The following TEX26 variants were observed in gnomAD, a reference collection of about 807,000 sequenced individuals.
TEX26 encodes testis-expressed protein 26.
Under a neutral mutation model 35.3 loss-of-function variants are expected in TEX26, and 34 were observed. That is an observed-to-expected ratio of 0.96 (90% CI 0.73 to 1.28). TEX26 has a LOEUF of 1.28. Among genes scored for constraint, TEX26 ranks in the 50% most tolerant of loss-of-function variants. The probability of loss-of-function intolerance (pLI) is 0.00; values close to 1 mark genes in which losing one functional copy is unlikely to be tolerated. For synonymous variants in TEX26, 136 were observed against 111.8 expected, an observed-to-expected ratio of 1.22 and a Z score of -1.36; for missense variants, 371 against 330.1, an observed-to-expected ratio of 1.12 and a Z score of -0.96.
At chr13:30,939,043 G>C (rs1953378612) in intron 1 of TEX26, among the ~76,000 whole-genome samples, 1 of 152,198 alleles carries the variant, frequency 6.6e-6, no homozygotes, top group Non-Finnish European at 1.5e-5. Flanking sequence ...ATCACACACT[G>C]TTAGTGACAG....
At chr13:30,972,617 T>G (rs1954751887) in intron 6 of TEX26, among the ~76,000 whole-genome samples, 1 of 151,570 alleles carries the variant, frequency 6.6e-6, no homozygotes, top group Admixed American at 6.6e-5. Flanking sequence ...ACAATCACTT[T>G]GTTGTTGTTT....
chr13:30,966,432 C>CTTTTTTTTT (rs10523710), intron 5 of TEX26, 34 bp downstream of exon 5: 29 of 997,788 alleles, frequency 2.9e-5, no homozygotes, highest in African/African-American at 1.3e-4. Flanking sequence ...TTCTTTTTCT[C>CTTTTTTTTT]TTTTTTTTTT....
At chr13:30,937,128 A>C (rs888350970) in intron 1 of TEX26, among the ~76,000 whole-genome samples, 1 of 152,152 alleles carries the variant, frequency 6.6e-6, no homozygotes, top group Non-Finnish European at 1.5e-5. Flanking sequence ...AAAGGTAACA[A>C]TGGAAGAGGG....
At chr13:30,946,595 TATTTTTTATTTG>T (rs1233326224) in intron 2 of TEX26, among the ~76,000 whole-genome samples, 1 of 152,028 alleles carries the variant, frequency 6.6e-6, no homozygotes, top group Non-Finnish European at 1.5e-5. Context: ...TTCTTGAATT[TATTTTTTATTTG>T]ATTTTTTAAA....
intron 2 of TEX26, among the ~76,000 whole-genome samples, chr13:30,949,646 G>T (rs1953846792): frequency 6.6e-6 from 1 of 151,818 alleles, no homozygotes; most frequent in East Asian, 1.9e-4. Context: ...ACATTTTATT[G>T]CATTATATCC....
Position 30,957,126 on chromosome 13 carries a change from C to T in TEX26, c.469+97C>T. ...GCGTGTGTTCTTCTCCTTCAAGGAACTTGAAGTCTAGGCATGGAGACAGGC... is the reference window on the plus strand; with the variant it reads ...GCGTGTGTTCTTCTCCTTCAAGGAATTTGAAGTCTAGGCATGGAGACAGGC... On this transcript the variant is annotated intron_variant, in intron 4 of 6. Transcript: ENST00000380473. The T allele has an allele frequency of 3.1e-6, 4 of 1,294,758 alleles. No homozygotes were observed. The South Asian group carries it at 4.3e-5, about 14-fold the overall frequency. The allele number at this position is 1,294,758 out of a possible 1,614,324, so 80.2% of individuals were successfully genotyped here.
intron 3 of TEX26, among the ~76,000 whole-genome samples, chr13:30,954,100 G>A (rs1419646855): frequency 3.3e-5 from 5 of 152,228 alleles, no homozygotes; most frequent in African/African-American, 1.2e-4. Flanking sequence ...TTGAAGATGT[G>A]TCCAACAGGC....
intron 1 of TEX26, 81 bp from the exon 2 acceptor site, chr13:30,939,613 A>G (rs1221418557): frequency 2.2e-5 from 29 of 1,326,834 alleles, no homozygotes; most frequent in Non-Finnish European, 2.8e-5. Flanking sequence ...TTCTCTTGCA[A>G]AATTATCTTA....
chr13:30,954,725 T>A (rs1178784770), intron 3 of TEX26, among the ~76,000 whole-genome samples: 1 of 152,226 alleles, frequency 6.6e-6, no homozygotes, highest in Non-Finnish European at 1.5e-5. Flanking sequence ...TCCAAAGCCC[T>A]GGGATTACAG....
intron 2 of TEX26, among the ~76,000 whole-genome samples, chr13:30,940,076 A>T (rs1224931477): frequency 1.3e-5 from 2 of 152,152 alleles, no homozygotes; most frequent in Non-Finnish European, 2.9e-5. Flanking sequence ...TGCTACCTAA[A>T]CATTCACGTG....
chr13:30,969,145 A>T (rs571683652), intron 6 of TEX26, 99 bp downstream of exon 6: 2 of 1,091,036 alleles, frequency 1.8e-6, no homozygotes, highest in African/African-American at 3.2e-5. Context: ...TTGAATGCCC[A>T]CAAAAATGAA....
intron 4 of TEX26, among the ~76,000 whole-genome samples, chr13:30,962,216 A>G (rs184738238): frequency 5.3e-4 from 81 of 152,304 alleles, no homozygotes; most frequent in Non-Finnish European, 1.1e-3. Context: ...ATGTCACTTT[A>G]TGGATTAAAA....
intron 4 of TEX26, among the ~76,000 whole-genome samples, chr13:30,963,156 T>C (rs17075219): frequency 0.031 from 4,649 of 152,250 alleles, 258 homozygotes; most frequent in African/African-American, 0.11. Context: ...TGGTCCTTGC[T>C]GAAGACTTAC....
At chr13:30,932,807 G>T in intron 1 of TEX26, 31 bp downstream of exon 1, 1 of 1,608,234 alleles carries the variant, frequency 6.2e-7, no homozygotes, top group South Asian at 1.1e-5. Context: ...GGTCTGCGGG[G>T]CGGGGCTGGG....
intron 1 of TEX26, chr13:30,936,917 A>G: frequency 3.0e-6 from 3 of 985,446 alleles, no homozygotes; most frequent in Non-Finnish European, 3.6e-6. Flanking sequence ...ATTTCTGTTA[A>G]TGAAGAAAAT....
chr13:30,973,356 C>G (rs1308760779), intron 6 of TEX26: 1 of 152,294 alleles, frequency 6.6e-6, no homozygotes, highest in African/African-American at 2.4e-5. Flanking sequence ...GAAACCAGAA[C>G]AGTGGCTGTC....
At chr13:30,973,998 G>C (rs1954794658) in intron 6 of TEX26, among the ~76,000 whole-genome samples, 1 of 151,348 alleles carries the variant, frequency 6.6e-6, no homozygotes, top group South Asian at 2.1e-4. Flanking sequence ...GTTCATGCCT[G>C]TAATCCCAGC....
Position 30,968,966 on chromosome 13 carries a change from C to T in TEX26, c.728C>T (p.Thr243Ile). The T allele has an allele frequency of 1.9e-6, 3 of 1,614,076 alleles. No homozygotes were observed. The highest frequency in any genetic ancestry group is 2.5e-6 in the Non-Finnish European group (3 of 1,179,960). Residue 243 changes from threonine to isoleucine, a missense_variant, in exon 6 of 7, where the codon ACC becomes ATC. Physicochemically the swap from Thr to Ile is moderately conservative, Grantham distance 89 (BLOSUM62 -1). Transcript: ENST00000380473. ...ACATACCAAAGTGACTACGACAAAA[C>T]CTACCCAGATTTCTTAATGCTTTTA... ...QTTYQSDYDK[T>I]YPDFLMLLNS...
At chr13:30,972,421 A>T (rs1954744466) in intron 6 of TEX26, among the ~76,000 whole-genome samples, 1 of 152,306 alleles carries the variant, frequency 6.6e-6, no homozygotes, top group South Asian at 2.1e-4. Context: ...CCATGTATGT[A>T]TACCTCTGGT....
Sources: gnomAD v4.1 joint callset for allele counts (sites outside exome capture counted in the v4.1 genomes callset) on GRCh38, gnomAD v4.1.1 for gene constraint, MANE v1.5 for transcripts, NCBI Gene and HGNC (gene_info 2026-07-23, HGNC 2026-07-21) for gene names.